The following LRBA variants were observed in gnomAD, a reference collection of about 807,000 sequenced individuals.
The protein encoded by LRBA is lipopolysaccharide-responsive and beige-like anchor protein.
Under a neutral mutation model 330.0 loss-of-function variants are expected in LRBA, and 176 were observed. That is an observed-to-expected ratio of 0.53 (90% confidence interval 0.47 to 0.60). The LOEUF (loss-of-function observed/expected upper bound fraction) is 0.60, where lower values mean the gene tolerates loss of function less well. Ranked by LOEUF, LRBA falls within the 20% of genes least tolerant of loss-of-function variation. The probability of loss-of-function intolerance (pLI) is 0.00; values close to 1 mark genes in which losing one functional copy is unlikely to be tolerated. For synonymous variants in LRBA, 1,230 were observed against 1,193.0 expected (o/e 1.03, Z -0.64); for missense variants, 3,259 against 3,444.8 (o/e 0.95, Z 1.35).
At chr4:150,765,465 G>A (rs1280723599) in intron 34 of LRBA, among the ~76,000 whole-genome samples, 2 of 152,052 alleles carry the variant, frequency 1.3e-5, no homozygotes, top group Non-Finnish European at 2.9e-5. Flanking sequence ...TGCCAGTCTC[G>A]TGAAGAATGC....
chr4:150,669,354 GA>G (rs1423792141), intron 37 of LRBA, among the ~76,000 whole-genome samples: 3 of 152,078 alleles, frequency 2.0e-5, no homozygotes, highest in African/African-American at 7.2e-5. Context: ...CTAATCTTCA[GA>G]GTACATTTGA....
Position 150,867,715 on chromosome 4 carries a change from C to T in LRBA, c.2722G>A (p.Gly908Ser). The T allele has an allele frequency of 6.2e-7, 1 of 1,613,634 alleles. No homozygotes were observed. The highest frequency in any genetic ancestry group is 8.5e-7 in the Non-Finnish European group (1 of 1,179,812). The change falls in exon 22 of 57, where the codon GGC becomes AGC. Residue 908 changes from glycine (G) to serine (S), a missense_variant. By Grantham distance (56) the Gly-to-Ser change is moderately conservative (BLOSUM62 0). Transcript: ENST00000651943. ...AAAGTGTCTACCCATACACGCCAGCCACCCCACTCATATTTGACTGCATGG... is the reference window on the plus strand; with the variant it reads ...AAAGTGTCTACCCATACACGCCAGCTACCCCACTCATATTTGACTGCATGG... ...LYHAVKYEWG[G>S]WRVWVDTLSI... is the part of the protein sequence containing the mutation.
rs140190476 is a variant in LRBA at position 150,851,930 on chromosome 4, G to C, written c.3780C>G (p.Ala1260=). The C allele has an allele frequency of 3.2e-5, 52 of 1,613,852 alleles. 1 individual carries two copies. The highest frequency in any genetic ancestry group is 4.2e-5 in the Non-Finnish European group (49 of 1,179,962). The change falls in exon 23 of 57, where the codon GCC becomes GCG. Residue 1260 remains alanine, a synonymous_variant. Coordinates refer to ENST00000651943, the MANE Select transcript of LRBA (RefSeq NM_001364905.1). ...ATDTERLELK[A]SPNVEAPQPH... is the part of the protein sequence containing the mutation. ...GTTGAGGTGCTTCCACGTTGGGACT[G>C]GCCTTCAACTCCAGCCTCTCAGTAT... is the stretch of plus-strand genomic sequence containing the variant.
intron 46 of LRBA, among the ~76,000 whole-genome samples, chr4:150,424,791 C>T (rs752822010): frequency 3.9e-5 from 6 of 152,202 alleles, no homozygotes; most frequent in Non-Finnish European, 1.5e-5. Context: ...TGGCCCCGGC[C>T]ATGAATTGAT....
chr4:150,467,569 C>T (rs1755594153), intron 44 of LRBA, 104 bp downstream of exon 44: 1 of 647,924 alleles, frequency 1.5e-6, no homozygotes, highest in South Asian at 2.2e-5. Context: ...AAAGGTACGA[C>T]TATATTTGAA....
Position 150,276,776 on chromosome 4 carries a change from C to A in LRBA, c.8468+1077G>T, listed in dbSNP as rs185190888. ...CAATCATTAAAAAGTTAGGAAACAA[C>A]AGATGCTGGAGAGGATGTGGAGAAA... On this transcript the variant is annotated intron_variant, in intron 56 of 56. Coordinates refer to ENST00000651943, the MANE Select transcript of LRBA (RefSeq NM_001364905.1). Among the ~76,000 whole-genome samples, 11 of 152,314 alleles carry A rather than the reference C, an allele frequency of 7.2e-5. No individual in the cohort carries two copies. The East Asian group carries it at 2.1e-3, about 29-fold the overall frequency.
chr4:150,539,101 G>T (rs969277335), intron 40 of LRBA, among the ~76,000 whole-genome samples: 1 of 151,956 alleles, frequency 6.6e-6, no homozygotes, highest in Admixed American at 6.6e-5. Flanking sequence ...TCAGGCTCCC[G>T]AGTAGCTGGG....
chr4:150,676,035 C>A (rs1220420196), intron 37 of LRBA, among the ~76,000 whole-genome samples: 1 of 152,100 alleles, frequency 6.6e-6, no homozygotes, highest in East Asian at 1.9e-4. Flanking sequence ...CTCTTTAAAC[C>A]TCAAGCTCTA....
chr4:150,655,793 GT>G (rs1780124707), intron 37 of LRBA, among the ~76,000 whole-genome samples: 1 of 152,210 alleles, frequency 6.6e-6, no homozygotes, highest in Non-Finnish European at 1.5e-5. Context: ...TAATGATAAA[GT>G]TTTCATATGA....
At chr4:150,433,083 T>C (rs1750646084) in intron 46 of LRBA, among the ~76,000 whole-genome samples, 1 of 152,088 alleles carries the variant, frequency 6.6e-6, no homozygotes, top group Non-Finnish European at 1.5e-5. Context: ...CTTCACAAAG[T>C]AAGTTCTGAA....
intron 36 of LRBA, among the ~76,000 whole-genome samples, chr4:150,694,251 G>A (rs1395842823): frequency 1.3e-5 from 2 of 151,786 alleles, no homozygotes; most frequent in Non-Finnish European, 2.9e-5. Context: ...TACATTTTTA[G>A]TTAACCAAGC....
intron 40 of LRBA, among the ~76,000 whole-genome samples, chr4:150,559,560 TTATATAAA>T (rs1252965362): frequency 8.9e-4 from 110 of 123,168 alleles, no homozygotes; most frequent in South Asian, 2.6e-3. Flanking sequence ...ATATATATAT[TTATATAAA>T]TATATAAATA....
chr4:150,837,366 C>T (rs1052321906), intron 28 of LRBA, among the ~76,000 whole-genome samples: 7 of 152,072 alleles, frequency 4.6e-5, no homozygotes, highest in African/African-American at 9.7e-5. Context: ...CCTTCTGTCT[C>T]GTTGATCTGT....
chr4:150,766,132 G>C (rs1313977680), intron 34 of LRBA, among the ~76,000 whole-genome samples: 1 of 151,842 alleles, frequency 6.6e-6, no homozygotes, highest in African/African-American at 2.4e-5. Flanking sequence ...TTAACCTTCA[G>C]TAATTATTAC....
At chr4:150,288,793 CTTTTTT>C in intron 53 of LRBA, among the ~76,000 whole-genome samples, 1 of 104,032 alleles carries the variant, frequency 9.6e-6, no homozygotes, top group South Asian at 3.0e-4. Flanking sequence ...TGTGATTGTT[CTTTTTT>C]TTTTTTTTTT....
chr4:150,387,275 G>A (rs548899671), intron 47 of LRBA, among the ~76,000 whole-genome samples: 1 of 151,918 alleles, frequency 6.6e-6, no homozygotes, highest in South Asian at 2.1e-4. Context: ...ATTAAAAAAA[G>A]GTTCAAAGTT....
At chr4:150,506,242 C>T (rs1337747045) in intron 40 of LRBA, among the ~76,000 whole-genome samples, 5 of 152,168 alleles carry the variant, frequency 3.3e-5, no homozygotes, top group African/African-American at 9.6e-5. Context: ...CCAGCATCAT[C>T]CTGATACCAA....
At chr4:150,980,062 A>G (rs1307368420) in intron 2 of LRBA, among the ~76,000 whole-genome samples, 1 of 152,212 alleles carries the variant, frequency 6.6e-6, no homozygotes, top group East Asian at 1.9e-4. Context: ...TTCACATGAA[A>G]ATCCTCAACA....
intron 44 of LRBA, among the ~76,000 whole-genome samples, chr4:150,437,382 T>A (rs1751251240): frequency 6.6e-6 from 1 of 151,454 alleles, no homozygotes; most frequent in South Asian, 2.1e-4. Flanking sequence ...TCTACTAGTG[T>A]GAGTGAAAAC....
Sources: allele counts gnomAD v4.1 joint callset (sites outside exome capture counted in the v4.1 genomes callset), GRCh38; gene constraint gnomAD v4.1.1; transcripts MANE v1.5; gene names NCBI Gene and HGNC (gene_info 2026-07-23, HGNC 2026-07-21).